Variants in MCC observed in about 807,000 individuals in gnomAD.
MCC encodes the protein MCC regulator of Wnt signaling pathway.
In MCC, 90 loss-of-function variants were observed where a neutral mutation model predicts 116.2. The observed-to-expected ratio is 0.77, with a 90% CI of 0.65 to 0.92. The LOEUF (loss-of-function observed/expected upper bound fraction) is 0.92. MCC is among the 40% of genes least tolerant of loss of function. The pLI, the probability that MCC is intolerant of heterozygous loss-of-function variation, is 0.00. For synonymous variants in MCC, 578 were observed against 510.5 expected, an observed-to-expected ratio of 1.13 and a Z score of -1.78; for missense variants, 1,516 against 1,312.2, an observed-to-expected ratio of 1.16 and a Z score of -2.40.
intron 3 of MCC, among the ~76,000 whole-genome samples, chr5:113,210,039 G>A (rs1001122541): frequency 2.0e-4 from 30 of 152,178 alleles, no homozygotes; most frequent in African/African-American, 7.2e-4. Flanking sequence ...TTTGAGCGTT[G>A]TTGTTCTCTT....
At chr5:113,227,493 G>A (rs905545624) in intron 3 of MCC, among the ~76,000 whole-genome samples, 4 of 152,112 alleles carry the variant, frequency 2.6e-5, no homozygotes, top group African/African-American at 9.7e-5. Context: ...TAGAGAACAT[G>A]GTTCTCAAAT....
intron 1 of MCC, among the ~76,000 whole-genome samples, chr5:113,424,132 T>TACACACACAC (rs547192248): frequency 0.032 from 3,574 of 112,658 alleles, 154 homozygotes; most frequent in African/African-American, 0.039. Flanking sequence ...AGTCATCCTC[T>TACACACACAC]ACACACACAC....
chr5:113,167,458 A>G (rs1350107064), intron 3 of MCC, among the ~76,000 whole-genome samples: 1 of 152,198 alleles, frequency 6.6e-6, no homozygotes, highest in African/African-American at 2.4e-5. Flanking sequence ...AGTGATTGAT[A>G]CATAAAGGAA....
At chr5:113,194,666 AAAG>A (rs1019951098) in intron 3 of MCC, among the ~76,000 whole-genome samples, 11 of 152,106 alleles carry the variant, frequency 7.2e-5, no homozygotes, top group African/African-American at 2.2e-4. Flanking sequence ...TCAAAAAAGA[AAAG>A]AAGAAAGAGG....
intron 6 of MCC, among the ~76,000 whole-genome samples, chr5:113,120,858 C>G (rs552461152): frequency 5.4e-4 from 82 of 152,308 alleles, no homozygotes; most frequent in African/African-American, 2.0e-3. Flanking sequence ...ATCTGAATGC[C>G]TACTGCCTTC....
rs1027644095 is a variant in MCC, at chr5:113,171,340, G to A, written c.628-19918C>T. ...CAAGGGCAAAAATGCACAGAGACAA[G>A]CAGAAGGCGGAAACCTCTTATTTTT... is the stretch of plus-strand genomic sequence containing the variant. On this transcript the variant is annotated intron_variant, in intron 3 of 18. Transcript: ENST00000408903. 2.0e-5 allele frequency among the ~76,000 whole-genome samples: 3 copies of A among 150,928 alleles called. 1 individual carries two copies. The highest frequency in any genetic ancestry group is 2.0e-4 in the Admixed American group (3 of 15,116).
At chr5:113,030,972 G>A (rs1351255869) in intron 17 of MCC, among the ~76,000 whole-genome samples, 1 of 152,188 alleles carries the variant, frequency 6.6e-6, no homozygotes, top group Non-Finnish European at 1.5e-5. Context: ...GGAACGGCAT[G>A]GGAATGTGAC....
chr5:113,150,671 A>C (rs967025686), intron 4 of MCC, among the ~76,000 whole-genome samples: 4 of 152,284 alleles, frequency 2.6e-5, no homozygotes, highest in African/African-American at 4.8e-5. Flanking sequence ...TAAAATATTT[A>C]AGATAGTAAC....
chr5:113,264,945 G>A (rs905637094), intron 3 of MCC, among the ~76,000 whole-genome samples: 23 of 152,232 alleles, frequency 1.5e-4, no homozygotes, highest in East Asian at 5.8e-4. Flanking sequence ...GGGAGGCTGC[G>A]GCAGGAGAAT....
chr5:113,457,824 A>G (rs951365165), intron 1 of MCC, among the ~76,000 whole-genome samples: 1 of 149,816 alleles, frequency 6.7e-6, no homozygotes, highest in East Asian at 1.9e-4. Context: ...TAAATACACC[A>G]ATCGGCACTC....
intron 3 of MCC, among the ~76,000 whole-genome samples, chr5:113,207,709 C>T (rs1762969614): frequency 2.0e-5 from 3 of 152,180 alleles, no homozygotes; most frequent in African/African-American, 7.2e-5. Flanking sequence ...TATACTCACA[C>T]ACCTTTTCAG....
chr5:113,369,553 C>G (rs115883707), intron 2 of MCC, among the ~76,000 whole-genome samples: 4,609 of 152,010 alleles, frequency 0.03, 178 homozygotes, highest in African/African-American at 0.088. Flanking sequence ...AGTCTCTGTT[C>G]CCTTTAAGTT....
At chr5:113,349,447 T>C (rs576569062) in intron 2 of MCC, among the ~76,000 whole-genome samples, 33 of 152,130 alleles carry the variant, frequency 2.2e-4, no homozygotes, top group Non-Finnish European at 4.0e-4. Context: ...ACAAAAACCA[T>C]ATGATCACTT....
intron 5 of MCC, among the ~76,000 whole-genome samples, chr5:113,129,781 C>G (rs1645868849): frequency 6.6e-6 from 1 of 152,178 alleles, no homozygotes; most frequent in Admixed American, 6.5e-5. Context: ...AAAAACACAA[C>G]AAGATACTAT....
intron 13 of MCC, among the ~76,000 whole-genome samples, chr5:113,066,188 C>T (rs1414263611): frequency 6.6e-6 from 1 of 152,148 alleles, no homozygotes; most frequent in Non-Finnish European, 1.5e-5. Context: ...AGCTCCTACA[C>T]CAAATAACTG....
chr5:113,160,859 G>A (rs1032286245), intron 3 of MCC, among the ~76,000 whole-genome samples: 1 of 152,082 alleles, frequency 6.6e-6, no homozygotes, highest in African/African-American at 2.4e-5. Flanking sequence ...CATTCTATGT[G>A]GGAAAGTTAA....
At chr5:113,370,666 A>G (rs1216751769) in intron 2 of MCC, among the ~76,000 whole-genome samples, 2 of 152,244 alleles carry the variant, frequency 1.3e-5, no homozygotes, top group African/African-American at 4.8e-5. Context: ...GTTCTGTTCT[A>G]CTTAAAAATC....
intron 2 of MCC, among the ~76,000 whole-genome samples, chr5:113,364,516 C>T (rs908713612): frequency 6.6e-6 from 1 of 152,214 alleles, no homozygotes; most frequent in African/African-American, 2.4e-5. Flanking sequence ...GTGCAAACTG[C>T]CAGTGGCTCT....
At chr5:113,299,207 GA>G (rs1206860894) in intron 3 of MCC, among the ~76,000 whole-genome samples, 2 of 149,660 alleles carry the variant, frequency 1.3e-5, no homozygotes, top group Admixed American at 6.7e-5. Context: ...AGAATCGCTT[GA>G]ACCTGGGAGG....
Sources: gnomAD v4.1 joint callset for allele counts (sites outside exome capture counted in the v4.1 genomes callset) on GRCh38, gnomAD v4.1.1 for gene constraint, MANE v1.5 for transcripts, NCBI Gene and HGNC (gene_info 2026-07-23, HGNC 2026-07-21) for gene names.